CFI: variants seen among roughly 807,000 people sequenced by gnomAD.
CFI encodes the protein C3B/C4B inactivator.
In CFI, 66 loss-of-function variants were observed where a neutral mutation model predicts 78.8. The observed-to-expected ratio is 0.84, with a 90% CI of 0.69 to 1.03. The LOEUF (loss-of-function observed/expected upper bound fraction) is 1.03. Ranked by LOEUF, CFI falls within the 50% of genes least tolerant of loss-of-function variation. The probability of loss-of-function intolerance (pLI) is 0.00; values close to 1 mark genes in which losing one functional copy is unlikely to be tolerated. For missense variants in CFI, 706 were observed against 704.5 expected (o/e 1.00, Z -0.02); for synonymous variants, 250 against 232.6 (o/e 1.07, Z -0.68).
At chr4:109,737,016 G>A (rs545678819), downstream of CFI, among the ~76,000 whole-genome samples, 2 of 152,194 alleles carry the variant, frequency 1.3e-5, no homozygotes, top group East Asian at 3.9e-4. Context: ...GTCCCCAAAT[G>A]CCATCTATTT....
At chr4:109,791,400 A>T (rs1311291689) in intron 1 of CFI, among the ~76,000 whole-genome samples, 2 of 150,852 alleles carry the variant, frequency 1.3e-5, no homozygotes, top group African/African-American at 4.9e-5. Flanking sequence ...GTGTCTGTTC[A>T]CTCTGCTGAT....
chr4:109,758,891 G>A (rs9647471), intron 6 of CFI, among the ~76,000 whole-genome samples: 100,912 of 152,122 alleles, frequency 0.66, 34,202 homozygotes, highest in South Asian at 0.76. Context: ...CCAAGAGTTC[G>A]AGACGAGCCT....
intron 1 of CFI, among the ~76,000 whole-genome samples, chr4:109,801,417 C>T (rs1215774585): frequency 6.6e-6 from 1 of 152,218 alleles, no homozygotes; most frequent in Non-Finnish European, 1.5e-5. Flanking sequence ...TTTGTCCTCT[C>T]ATTGAAGTCC....
chr4:109,748,064 G>C (rs1011619693), intron 10 of CFI, among the ~76,000 whole-genome samples: 1 of 152,076 alleles, frequency 6.6e-6, no homozygotes, highest in African/African-American at 2.4e-5. Flanking sequence ...TATAACTTCT[G>C]CTTTCTCAAA....
rs1221267090 is a variant in CFI, at chr4:109,741,086, G to A, written c.1559C>T (p.Ala520Val). ...CAGTYDGSID[A>V]CKGDSGGPLV... is the part of the protein sequence containing the mutation. Reference sequence around the variant, plus strand: ...GGGGCCTCCAGAGTCCCCTTTACAGGCATCGATGGAACCATCATATGTACC... The same window carrying A: ...GGGGCCTCCAGAGTCCCCTTTACAGACATCGATGGAACCATCATATGTACC... The change falls in exon 13 of 13, where the codon GCC becomes GTC. Residue 520 changes from alanine (A) to valine (V), a missense_variant. Ala to Val is a moderately conservative substitution (Grantham distance 64, BLOSUM62 0). Transcript: ENST00000394634. 1 of 1,614,098 alleles carries A rather than the reference G, an allele frequency of 6.2e-7. No homozygotes were observed. The highest frequency in any genetic ancestry group is 8.5e-7 in the Non-Finnish European group (1 of 1,179,978).
In CFI at chr4:109,761,673, T is replaced by C. The variant is rs147487058; in HGVS notation, c.502A>G (p.Arg168Gly). The C allele has an allele frequency of 2.2e-5, 35 of 1,612,504 alleles. No individual in the cohort carries two copies. In the Admixed American group the frequency reaches 4.5e-4, roughly 21 times the overall value. ...GFQQGADTQR[R>G]FKLSDLSINS... ...ATAGAGAGATCAGACAACTTAAACC[T>C]TCTTTGAGTATCAGCACCTCTGCAA... Residue 168 changes from arginine (R) to glycine (G), a missense_variant, in exon 4 of 13, where the codon AGG becomes GGG. Coordinates refer to ENST00000394634, the MANE Select transcript of CFI (RefSeq NM_000204.5).
intron 1 of CFI, among the ~76,000 whole-genome samples, chr4:109,800,852 C>T (rs1177298549): frequency 2.0e-5 from 3 of 151,918 alleles, no homozygotes; most frequent in Admixed American, 6.6e-5. Flanking sequence ...ATAAATATGT[C>T]ATTTCAATGG....
At chr4:109,753,514 A>T (rs186602392) in intron 7 of CFI, among the ~76,000 whole-genome samples, 237 of 15,910 alleles carry the variant, frequency 0.015, 34 homozygotes, top group African/African-American at 0.033. Flanking sequence ...TTTATTATAT[A>T]AATAAATATT....
At chr4:109,797,091 A>T (rs1732148545) in intron 1 of CFI, among the ~76,000 whole-genome samples, 1 of 152,216 alleles carries the variant, frequency 6.6e-6, no homozygotes, top group South Asian at 2.1e-4. Context: ...ATTTACATGG[A>T]ATTTCAAAAG....
At chr4:109,788,030 A>G (rs1730962648) in intron 1 of CFI, among the ~76,000 whole-genome samples, 1 of 151,998 alleles carries the variant, frequency 6.6e-6, no homozygotes, top group South Asian at 2.1e-4. Flanking sequence ...GTCTTTCCAG[A>G]GATCATGAAT....
At chr4:109,734,223 G>T in the CFI span, among the ~76,000 whole-genome samples, 3 of 152,080 alleles carry the variant, frequency 2.0e-5, no homozygotes, top group Non-Finnish European at 4.4e-5. Flanking sequence ...TCTAAAAAGT[G>T]AGTGTACACA....
intron 1 of CFI, among the ~76,000 whole-genome samples, chr4:109,788,000 C>A (rs143617257): frequency 6.6e-6 from 1 of 151,984 alleles, no homozygotes; most frequent in African/African-American, 2.4e-5. Context: ...CAGAGGCAAC[C>A]ACTTAACAGC....
chr4:109,791,099 C>T (rs745623573), intron 1 of CFI, among the ~76,000 whole-genome samples: 6 of 152,198 alleles, frequency 3.9e-5, no homozygotes, highest in Admixed American at 1.3e-4. Context: ...TCCACAACCT[C>T]GACAGCATGT....
intron 1 of CFI, among the ~76,000 whole-genome samples, chr4:109,795,759 A>C (rs1365439659): frequency 6.6e-6 from 1 of 152,208 alleles, no homozygotes; most frequent in African/African-American, 2.4e-5. Context: ...TACTTAGTCA[A>C]ACAGAAGAGA....
chr4:109,771,912 CAAG>C (rs1213749977), intron 1 of CFI, among the ~76,000 whole-genome samples: 3 of 151,680 alleles, frequency 2.0e-5, no homozygotes, highest in Non-Finnish European at 4.4e-5. Flanking sequence ...ATTGCATTTT[CAAG>C]AAGGAGAGAG....
chr4:109,744,068 A>G (rs979883051), intron 11 of CFI, among the ~76,000 whole-genome samples: 1 of 152,214 alleles, frequency 6.6e-6, no homozygotes, highest in Admixed American at 6.5e-5. Flanking sequence ...ATTCTCTTTA[A>G]TGATTAAATT....
the CFI span, among the ~76,000 whole-genome samples, chr4:109,732,335 A>G: frequency 0.033 from 5,066 of 152,284 alleles, 124 homozygotes; most frequent in Non-Finnish European, 0.049. Context: ...CCCCATGAGA[A>G]TCACCACCAT....
chr4:109,749,935 G>T (rs767510210), intron 8 of CFI, among the ~76,000 whole-genome samples: 1 of 152,062 alleles, frequency 6.6e-6, no homozygotes, highest in Non-Finnish European at 1.5e-5. Context: ...GCTCAGAAGG[G>T]AATCACATTC....
chr4:109,737,075 T>C (rs968231887), downstream of CFI, among the ~76,000 whole-genome samples: 2 of 152,160 alleles, frequency 1.3e-5, no homozygotes, highest in African/African-American at 4.8e-5. Context: ...CCTGCTTTAG[T>C]TTCTACCTTC....
Sources: gnomAD v4.1 joint callset for allele counts (sites outside exome capture counted in the v4.1 genomes callset) on GRCh38, gnomAD v4.1.1 for gene constraint, MANE v1.5 for transcripts, NCBI Gene and HGNC (gene_info 2026-07-23, HGNC 2026-07-21) for gene names.